CSMD1: variants seen among roughly 807,000 people sequenced by gnomAD.
The protein encoded by CSMD1 is CUB and sushi domain-containing protein 1.
In CSMD1, 213 loss-of-function variants were observed where a neutral mutation model predicts 417.5. That is an observed-to-expected ratio of 0.51 (90% CI 0.46 to 0.57). The LOEUF is 0.57. Among genes scored for constraint, CSMD1 ranks in the 20% least tolerant of loss-of-function variants. The probability of loss-of-function intolerance (pLI) is 0.00; values close to 1 mark genes in which losing one functional copy is unlikely to be tolerated. For missense variants in CSMD1, 6,923 were observed against 4,529.7 expected (o/e 1.53, Z -15.17); for synonymous variants, 2,862 against 1,736.8 (o/e 1.65, Z -16.11).
chr8:3,351,881 A>G (rs747143753), intron 21 of CSMD1, among the ~76,000 whole-genome samples: 42 of 151,942 alleles, frequency 2.8e-4, no homozygotes, highest in African/African-American at 3.9e-4. Flanking sequence ...ATAGAATCAC[A>G]TTTTTAAAAA....
intron 5 of CSMD1, among the ~76,000 whole-genome samples, chr8:3,772,398 C>CATATATTTAT (rs1563064173): frequency 2.0e-5 from 2 of 100,448 alleles, no homozygotes; most frequent in Non-Finnish European, 4.0e-5. Context: ...TATATATACA[C>CATATATTTAT]ATATATACAT....
At chr8:3,159,163 CAT>C (rs1819726142) in intron 38 of CSMD1, among the ~76,000 whole-genome samples, 1 of 152,244 alleles carries the variant, frequency 6.6e-6, no homozygotes, top group South Asian at 2.1e-4. Context: ...TAGGGAAAAA[CAT>C]AGAGTTCAAA....
intron 2 of CSMD1, among the ~76,000 whole-genome samples, chr8:4,604,565 C>A (rs1800770266): frequency 1.3e-5 from 2 of 151,910 alleles, no homozygotes; most frequent in South Asian, 4.1e-4. Flanking sequence ...TTTTCTAAAT[C>A]TCTAATTTGT....
At chr8:4,585,099 A>C (rs531446353) in intron 2 of CSMD1, among the ~76,000 whole-genome samples, 27 of 57,872 alleles carry the variant, frequency 4.7e-4, no homozygotes, top group Non-Finnish European at 6.2e-4. Flanking sequence ...AAAAACTGAG[A>C]AAAAAAAAAA....
chr8:4,612,271 G>C lies in CSMD1; in HGVS notation c.302+25071C>G, dbSNP rs1396158771. Among the ~76,000 whole-genome samples, 3 of 152,184 alleles carry C rather than the reference G, an allele frequency of 2.0e-5. No individual in the cohort carries two copies. In the South Asian group the frequency reaches 6.2e-4, roughly 32 times the overall value. On this transcript the variant is annotated intron_variant, in intron 2 of 69. Transcript: ENST00000635120. ...CACATGTGATAAAAATAAATGAAGA[G>C]ATCCCAAAGCTAAAACTTCAAAAAT...
At chr8:3,432,190 G>C (rs925616306) in intron 12 of CSMD1, among the ~76,000 whole-genome samples, 8 of 152,130 alleles carry the variant, frequency 5.3e-5, no homozygotes, top group Admixed American at 3.3e-4. Flanking sequence ...ATTATAATCA[G>C]GAAGAGGCAT....
intron 52 of CSMD1, among the ~76,000 whole-genome samples, chr8:3,007,961 C>A (rs567757318): frequency 1.8e-4 from 27 of 152,050 alleles, no homozygotes; most frequent in African/African-American, 6.0e-4. Flanking sequence ...AGCTTTGTTA[C>A]TGTTTGTAAT....
At chr8:4,624,427 C>G (rs528723678) in intron 2 of CSMD1, among the ~76,000 whole-genome samples, 6 of 152,274 alleles carry the variant, frequency 3.9e-5, no homozygotes, top group Admixed American at 2.6e-4. Flanking sequence ...CCAATCCTCT[C>G]TGGAATTACC....
At chr8:4,140,532 G>T (rs1395389575) in intron 3 of CSMD1, among the ~76,000 whole-genome samples, 3 of 150,912 alleles carry the variant, frequency 2.0e-5, no homozygotes, top group African/African-American at 5.0e-5. Flanking sequence ...GCTGAGTGTG[G>T]TGGTGTGCAC....
chr8:4,766,719 G>T (rs928977243), intron 1 of CSMD1, among the ~76,000 whole-genome samples: 12 of 152,186 alleles, frequency 7.9e-5, no homozygotes, highest in Non-Finnish European at 1.5e-4. Context: ...CAAGTAAACA[G>T]AACCTCCACT....
chr8:3,783,872 A>G (rs1799309483), intron 5 of CSMD1, among the ~76,000 whole-genome samples: 1 of 151,940 alleles, frequency 6.6e-6, no homozygotes, highest in African/African-American at 2.4e-5. Flanking sequence ...TCAGGAGCAC[A>G]TGAACTAGAC....
intron 3 of CSMD1, among the ~76,000 whole-genome samples, chr8:4,143,712 G>T (rs61316323): frequency 6.6e-6 from 1 of 150,740 alleles, no homozygotes; most frequent in African/African-American, 2.5e-5. Context: ...AAGTAACAAA[G>T]GAAAGAAACA....
At chr8:3,784,249 G>C (rs905816570) in intron 5 of CSMD1, among the ~76,000 whole-genome samples, 2 of 152,130 alleles carry the variant, frequency 1.3e-5, no homozygotes, top group African/African-American at 4.8e-5. Context: ...GTAAATAAAT[G>C]TCCAACACAG....
intron 1 of CSMD1, among the ~76,000 whole-genome samples, chr8:4,960,114 A>G (rs952749968): frequency 2.0e-5 from 3 of 152,190 alleles, no homozygotes; most frequent in Non-Finnish European, 4.4e-5. Flanking sequence ...CATTTTTAGG[A>G]GGGATATAAT....
In CSMD1 at chr8:4,234,325, T is replaced by C. The variant is rs139698244; in HGVS notation, c.415+185628A>G. 1.4e-3 allele frequency among the ~76,000 whole-genome samples: 211 copies of C among 152,258 alleles called. 2 individuals are homozygous for C. Among genetic ancestry groups the C allele is most frequent in the Admixed American group, 6.2e-3 (95 of 15,292 alleles). ...GAGCTGGCGATTGCAGACACAAGTT[T>C]AGAAATGGGCCGAGGCTCCTGAAGC... On this transcript the variant is annotated intron_variant, in intron 3 of 69. Coordinates refer to ENST00000635120, the MANE Select transcript of CSMD1 (RefSeq NM_033225.6).
intron 29 of CSMD1, among the ~76,000 whole-genome samples, chr8:3,218,882 G>GA (rs200288065): frequency 5.5e-5 from 8 of 144,388 alleles, no homozygotes; most frequent in African/African-American, 5.1e-5. Flanking sequence ...CAAGAAAAAA[G>GA]AAAAAAAAAA....
At chr8:3,258,717 T>G (rs772930863) in intron 26 of CSMD1, among the ~76,000 whole-genome samples, 12 of 152,162 alleles carry the variant, frequency 7.9e-5, no homozygotes, top group Non-Finnish European at 1.6e-4. Flanking sequence ...ATAGACTGGA[T>G]AAAGAAAACA....
intron 1 of CSMD1, among the ~76,000 whole-genome samples, chr8:4,645,931 C>G (rs1049013147): frequency 6.6e-6 from 1 of 152,126 alleles, no homozygotes; most frequent in Non-Finnish European, 1.5e-5. Context: ...TGTAACACGA[C>G]TTTAGAGATT....
intron 30 of CSMD1, among the ~76,000 whole-genome samples, chr8:3,210,788 C>G (rs1257301392): frequency 6.6e-6 from 1 of 151,410 alleles, no homozygotes; most frequent in Non-Finnish European, 1.5e-5. Flanking sequence ...CATGCTTTTT[C>G]TATGGCTAAA....
Sources: gnomAD v4.1 joint callset for allele counts (sites outside exome capture counted in the v4.1 genomes callset) on GRCh38, gnomAD v4.1.1 for gene constraint, MANE v1.5 for transcripts, NCBI Gene and HGNC (gene_info 2026-07-23, HGNC 2026-07-21) for gene names.